The following MDM1 variants were observed in gnomAD, a reference collection of about 807,000 sequenced individuals.
The protein encoded by MDM1 is Mdm1 nuclear protein.
A neutral mutation model predicts 89.1 loss-of-function variants in MDM1; 61 were observed. The ratio of observed to expected loss-of-function variants is 0.68; its 90% CI spans 0.56 to 0.85. The LOEUF (loss-of-function observed/expected upper bound fraction) is 0.85, where lower values mean the gene tolerates loss of function less well. MDM1 is among the 40% of genes least tolerant of loss of function. The pLI is 0.00. For synonymous variants in MDM1, 290 were observed against 294.1 expected, an observed-to-expected ratio of 0.99 and a Z score of 0.14; for missense variants, 820 against 846.5, an observed-to-expected ratio of 0.97 and a Z score of 0.39.
chr12:68,326,798 G>A lies in MDM1; in HGVS notation c.357C>T (p.Thr119=), dbSNP rs1300045241. The change falls in exon 3 of 15, where the codon ACC becomes ACT. Residue 119 remains threonine, a synonymous_variant. Coordinates refer to ENST00000682720, the MANE Select transcript of MDM1 (RefSeq NM_001354969.2). ...CTCTGGAGTCTGCAGAGTGAGATCT[G>A]GTTCTTTTGGGAACCCTGGAAGCTT... ...SLEASRVPKR[T]RSHSADSRAE... 6.2e-7 allele frequency: 1 copy of A among 1,613,986 alleles called. No individual in the cohort carries two copies. The highest frequency in any genetic ancestry group is 8.5e-7 in the Non-Finnish European group (1 of 1,179,944).
chr12:68,303,026 G>GA (rs1188795427), intron 12 of MDM1, among the ~76,000 whole-genome samples, 154 bp from the exon 13 acceptor site: 6 of 151,782 alleles, frequency 4.0e-5, no homozygotes, highest in Non-Finnish European at 7.4e-5. Flanking sequence ...ATATGATATA[G>GA]ACAAACAGAC....
Position 68,316,260 on chromosome 12 carries a change from A to T in MDM1, c.1036-7T>A. On this transcript the variant is annotated splice_polypyrimidine_tract_variant and splice_region_variant and intron_variant, in intron 8 of 14. Coordinates refer to ENST00000682720, the MANE Select transcript of MDM1 (RefSeq NM_001354969.2). ...TTTCTCGGAGTTCTTTAACCTATTC[A>T]GGAGAGTTCAGACATCATATACTAT... 1 of 1,610,172 alleles carries T rather than the reference A, an allele frequency of 6.2e-7. No individual in the cohort carries two copies. Among genetic ancestry groups the T allele is most frequent in the Non-Finnish European group, 8.5e-7 (1 of 1,178,120 alleles).
chr12:68,319,999 C>T (rs1258938060), intron 7 of MDM1, among the ~76,000 whole-genome samples: 2 of 152,216 alleles, frequency 1.3e-5, no homozygotes, highest in South Asian at 2.1e-4. Context: ...TGAGATCAAG[C>T]GTAGAAATCT....
intron 12 of MDM1, among the ~76,000 whole-genome samples, chr12:68,311,436 CAT>C (rs1477759681): frequency 6.6e-6 from 1 of 152,214 alleles, no homozygotes; most frequent in Non-Finnish European, 1.5e-5. Flanking sequence ...TCTTTCTTCA[CAT>C]GTCACCAAGA....
At chr12:68,329,810 G>C (rs1018195171) in intron 2 of MDM1, among the ~76,000 whole-genome samples, 5 of 152,222 alleles carry the variant, frequency 3.3e-5, no homozygotes, top group Non-Finnish European at 5.9e-5. Flanking sequence ...ATCACCCTCC[G>C]GGAAACTCTG....
chr12:68,296,359 G>A (rs763301042), intron 14 of MDM1, among the ~76,000 whole-genome samples: 4 of 152,166 alleles, frequency 2.6e-5, no homozygotes, highest in Admixed American at 6.5e-5. Flanking sequence ...TTAGCCGGGT[G>A]TGGTAGCGGA....
intron 2 of MDM1, among the ~76,000 whole-genome samples, chr12:68,329,330 C>T (rs1412387677): frequency 6.6e-6 from 1 of 152,196 alleles, no homozygotes; most frequent in Admixed American, 6.5e-5. Context: ...TCCCTTTGTT[C>T]TCTAGACCAA....
chr12:68,295,471 A>C (rs150863239), intron 14 of MDM1, 105 bp from the exon 15 acceptor site: 426 of 700,964 alleles, frequency 6.1e-4, no homozygotes, highest in Middle Eastern at 3.5e-3. Context: ...CTGTGTTATC[A>C]ATGTCAAGTT....
chr12:68,315,549 T>C (rs1003835430), intron 9 of MDM1, among the ~76,000 whole-genome samples: 2 of 152,240 alleles, frequency 1.3e-5, no homozygotes, highest in South Asian at 2.1e-4. Context: ...AAGTCATACC[T>C]AGCCCTAAAC....
intron 12 of MDM1, among the ~76,000 whole-genome samples, chr12:68,311,727 A>T (rs1873721182): frequency 6.6e-6 from 1 of 152,090 alleles, no homozygotes; most frequent in East Asian, 1.9e-4. Flanking sequence ...TCTTGTTCTC[A>T]CTTCTCTCAA....
intron 12 of MDM1, among the ~76,000 whole-genome samples, chr12:68,309,366 CAAG>C (rs985128183): frequency 9.2e-5 from 14 of 152,168 alleles, no homozygotes; most frequent in African/African-American, 3.4e-4. Flanking sequence ...CATTGACTTC[CAAG>C]AAGGTTTCTG....
intron 3 of MDM1, chr12:68,325,960 C>T (rs1875911272): frequency 4.0e-6 from 4 of 994,732 alleles, no homozygotes; most frequent in African/African-American, 1.7e-5. Context: ...CACACATCAC[C>T]TTCCTTGTTC....
In MDM1 at chr12:68,316,161, A is replaced by G; in HGVS notation, c.1128T>C (p.Asp376=). The part of the protein sequence containing the change: ...SRDHLNQILS[D]SNCCWDVSST... ...AGGAGACATCCCAACAGCAGTTGCT[A>G]TCAGATAAAATCTGATTCAGATGGT... is the stretch of plus-strand genomic sequence containing the variant. The change falls in exon 9 of 15, where the codon GAT becomes GAC. Residue 376 remains aspartate (D), a synonymous_variant. Coordinates refer to ENST00000682720, the MANE Select transcript of MDM1 (RefSeq NM_001354969.2). 6.2e-7 allele frequency: 1 copy of G among 1,614,148 alleles called. No individual in the cohort carries two copies. Among genetic ancestry groups the G allele is most frequent in the East Asian group, 2.2e-5 (1 of 44,882 alleles).
Position 68,315,189 on chromosome 12 carries a change from G to A in MDM1, c.1288C>T (p.Gln430Ter). 6.2e-7 allele frequency: 1 copy of A among 1,614,196 alleles called. No individual in the cohort carries two copies. The highest frequency in any genetic ancestry group is 8.5e-7 in the Non-Finnish European group (1 of 1,180,032). The change falls in exon 10 of 15, where the codon CAG becomes TAG. Residue 430 changes from glutamine to a stop codon, truncating the protein, a stop_gained. Coordinates refer to ENST00000682720, the MANE Select transcript of MDM1 (RefSeq NM_001354969.2). LOFTEE classifies it high-confidence loss of function. ...PEEKGNIVEEQPQKNTTEKLG... is the reference protein window; with the variant it reads ...PEEKGNIVEE Reference sequence around the variant, plus strand: ...TTCTCCGTGGTATTTTTCTGGGGCTGTTCTTCCACGATATTTCCTTTTTCT... The same window carrying A: ...TTCTCCGTGGTATTTTTCTGGGGCTATTCTTCCACGATATTTCCTTTTTCT...
chr12:68,326,251 T>C, intron 3 of MDM1: 1 of 1,159,620 alleles, frequency 8.6e-7, no homozygotes, highest in Non-Finnish European at 1.1e-6. Flanking sequence ...TTTCATCAAT[T>C]GAATTTCTGT....
rs1316122257 is a variant in MDM1 at position 68,307,461 on chromosome 12, C to T, written c.1750-4589G>A. 5.9e-5 allele frequency among the ~76,000 whole-genome samples: 9 copies of T among 152,222 alleles called. No homozygotes were observed. The East Asian group carries it at 1.4e-3, about 23-fold the overall frequency. Reference sequence around the variant, plus strand: ...GAACAGCCTGGCAACACAGCGAGATCCCCAACTCTACAAAAAATTTTTTTT... The same window carrying T: ...GAACAGCCTGGCAACACAGCGAGATTCCCAACTCTACAAAAAATTTTTTTT... On this transcript the variant is annotated intron_variant, in intron 12 of 14. Transcript: ENST00000682720.
At chr12:68,310,791 T>C (rs1873570117) in intron 12 of MDM1, among the ~76,000 whole-genome samples, 1 of 152,220 alleles carries the variant, frequency 6.6e-6, no homozygotes, top group South Asian at 2.1e-4. Context: ...TACTTTGTAC[T>C]CAAATTCACA....
At chr12:68,325,767 C>A in intron 3 of MDM1, 192 bp from the exon 4 acceptor site, 2 of 1,213,882 alleles carry the variant, frequency 1.6e-6, no homozygotes, top group Admixed American at 4.4e-5. Context: ...TATCTTTTTT[C>A]AAGTGTCAAA....
chr12:68,303,169 A>G (rs1872450993), intron 12 of MDM1, among the ~76,000 whole-genome samples: 1 of 152,334 alleles, frequency 6.6e-6, no homozygotes, highest in South Asian at 2.1e-4. Flanking sequence ...AACAGTAAGA[A>G]AAATATAAAC....
Sources: allele counts gnomAD v4.1 joint callset (sites outside exome capture counted in the v4.1 genomes callset), GRCh38; gene constraint gnomAD v4.1.1; transcripts MANE v1.5; gene names NCBI Gene and HGNC (gene_info 2026-07-23, HGNC 2026-07-21).